Variants in SLC25A26 observed in about 807,000 individuals in gnomAD.
SLC25A26 encodes mitochondrial S-adenosylmethionine carrier protein.
SLC25A26 carries 36 observed loss-of-function variants against 37.8 expected under a neutral mutation model. That is an observed-to-expected ratio of 0.95 (90% CI 0.73 to 1.26). The LOEUF (loss-of-function observed/expected upper bound fraction) is 1.26. Among genes scored for constraint, SLC25A26 ranks in the 50% most tolerant of loss-of-function variants. The pLI is 0.00. For missense variants in SLC25A26, 390 were observed against 331.1 expected, an observed-to-expected ratio of 1.18 and a Z score of -1.38; for synonymous variants, 129 against 122.5, an observed-to-expected ratio of 1.05 and a Z score of -0.35.
At position 66,302,769 on chromosome 3, in the gene SLC25A26, A is replaced by C. The variant is rs866255811; in HGVS notation, c.453+39390A>C. Among the ~76,000 whole-genome samples, 38 of 152,364 alleles carry C rather than the reference A, an allele frequency of 2.5e-4. No homozygotes were observed. In the Middle Eastern group the frequency reaches 0.01, roughly 41 times the overall value. ...TACAACTTGGTGAAAAGGTTAGCCCATATTTAAGTTCAAACCAAAGAACAG... is the reference window on the plus strand; with the variant it reads ...TACAACTTGGTGAAAAGGTTAGCCCCTATTTAAGTTCAAACCAAAGAACAG... On this transcript the variant is annotated intron_variant, in intron 5 of 9. Coordinates refer to ENST00000354883, the MANE Select transcript of SLC25A26 (RefSeq NM_001379210.1).
At chr3:66,291,290 T>G (rs1257299249) in intron 5 of SLC25A26, among the ~76,000 whole-genome samples, 2 of 152,076 alleles carry the variant, frequency 1.3e-5, no homozygotes, top group Admixed American at 6.6e-5. Flanking sequence ...TTTTGGGGGG[T>G]TTTTTTGTGT....
At chr3:66,254,918 G>C (rs2073241441) in intron 3 of SLC25A26, among the ~76,000 whole-genome samples, 1 of 152,192 alleles carries the variant, frequency 6.6e-6, no homozygotes, top group African/African-American at 2.4e-5. Flanking sequence ...GGGATACTTA[G>C]GGACTTTGAA....
chr3:66,216,327 C>G (rs928316769), upstream of SLC25A26, among the ~76,000 whole-genome samples: 6 of 152,252 alleles, frequency 3.9e-5, no homozygotes, highest in African/African-American at 1.2e-4. Flanking sequence ...GCTTGGGCAA[C>G]ATGGTGAAAC....
chr3:66,373,062 A>T, intron 9 of SLC25A26, among the ~76,000 whole-genome samples: 1 of 152,152 alleles, frequency 6.6e-6, no homozygotes, highest in East Asian at 1.9e-4. Context: ...ATTACTAAAC[A>T]AACACCGCGT....
At position 66,369,489 on chromosome 3, in the gene SLC25A26, G is replaced by A. The variant is rs1700235313; in HGVS notation, c.580G>A (p.Ala194Thr). The part of the protein sequence containing the change: ...VCGAFAGGFA[A>T]AVTTPLDVAK... ...TATTATTTGTACAGGTGGATTTGCC[G>A]CTGCAGTCACCACCCCTCTAGACGT... is the stretch of plus-strand genomic sequence containing the variant. Residue 194 changes from alanine to threonine, a missense_variant, in exon 8 of 10, where the codon GCT (alanine) becomes ACT (threonine). By Grantham distance (58) the Ala-to-Thr change is moderately conservative (BLOSUM62 0). Transcript: ENST00000354883. The A allele has an allele frequency of 9.3e-6, 15 of 1,604,322 alleles. No homozygotes were observed. Among genetic ancestry groups the A allele is most frequent in the South Asian group, 3.4e-5 (3 of 88,512 alleles).
At chr3:66,254,315 C>T (rs2073216518) in intron 3 of SLC25A26, among the ~76,000 whole-genome samples, 1 of 152,070 alleles carries the variant, frequency 6.6e-6, no homozygotes, top group Admixed American at 6.5e-5. Flanking sequence ...TAATTGGAAA[C>T]CTGCTTTCTA....
At chr3:66,188,557 C>T (rs947767462) in intron 1 of SLC25A26, among the ~76,000 whole-genome samples, 3 of 152,164 alleles carry the variant, frequency 2.0e-5, no homozygotes, top group African/African-American at 7.2e-5. Context: ...GTGATCTCTG[C>T]ACATGTGACT....
intron 5 of SLC25A26, among the ~76,000 whole-genome samples, chr3:66,344,852 G>T (rs149573508): frequency 2.2e-4 from 34 of 152,282 alleles, no homozygotes; most frequent in African/African-American, 6.3e-4. Flanking sequence ...ATGTCTCCTG[G>T]GGATAGTAGT....
intron 5 of SLC25A26, among the ~76,000 whole-genome samples, chr3:66,286,636 G>T (rs1423555515): frequency 1.3e-5 from 2 of 152,088 alleles, no homozygotes; most frequent in Non-Finnish European, 2.9e-5. Flanking sequence ...AGTCTTGAAA[G>T]ATGATGTTTT....
intron 6 of SLC25A26, among the ~76,000 whole-genome samples, chr3:66,347,148 C>T (rs2076345268): frequency 6.6e-6 from 1 of 152,138 alleles, no homozygotes; most frequent in South Asian, 2.1e-4. Context: ...TAAAGAGCTT[C>T]TGCACAGCAA....
chr3:66,357,860 G>A (rs906441229), intron 6 of SLC25A26, among the ~76,000 whole-genome samples: 4 of 152,120 alleles, frequency 2.6e-5, no homozygotes, highest in South Asian at 4.1e-4. Flanking sequence ...TTTGCAGGAC[G>A]AACCAGCCTC....
intron 5 of SLC25A26, among the ~76,000 whole-genome samples, chr3:66,313,091 A>G (rs2075429625): frequency 6.6e-6 from 1 of 152,144 alleles, no homozygotes. Flanking sequence ...GTTTGCTCTG[A>G]TGATAGTTTC....
intron 1 of SLC25A26, among the ~76,000 whole-genome samples, chr3:66,176,559 C>CAGGATATT (rs1430605874): frequency 6.6e-6 from 1 of 152,142 alleles, no homozygotes; most frequent in East Asian, 1.9e-4. Context: ...TTTGCAGTTA[C>CAGGATATT]AGGATATTAC....
intron 5 of SLC25A26, among the ~76,000 whole-genome samples, chr3:66,319,152 G>T (rs891086751): frequency 6.6e-6 from 1 of 152,170 alleles, no homozygotes; most frequent in Admixed American, 6.5e-5. Context: ...AATCAGGTTA[G>T]AGTTTGTAGA....
At chr3:66,317,537 C>G (rs2075572749) in intron 5 of SLC25A26, among the ~76,000 whole-genome samples, 1 of 152,130 alleles carries the variant, frequency 6.6e-6, no homozygotes, top group Non-Finnish European at 1.5e-5. Flanking sequence ...ATAGAATGCC[C>G]TTGTATGAGG....
chr3:66,202,694 G>A (rs1206681852), intron 1 of SLC25A26, among the ~76,000 whole-genome samples: 1 of 152,050 alleles, frequency 6.6e-6, no homozygotes, highest in African/African-American at 2.4e-5. Flanking sequence ...CTCCATATGT[G>A]ATCTACACAC....
intron 1 of SLC25A26, among the ~76,000 whole-genome samples, chr3:66,223,130 A>G (rs975806544): frequency 6.6e-6 from 1 of 152,248 alleles, no homozygotes; most frequent in Non-Finnish European, 1.5e-5. Context: ...GTTGCAATGA[A>G]TAAGTGCTAT....
At chr3:66,263,690 G>A (rs959444364) in intron 5 of SLC25A26, among the ~76,000 whole-genome samples, 4 of 151,960 alleles carry the variant, frequency 2.6e-5, no homozygotes, top group South Asian at 2.1e-4. Context: ...ATGCAGTCTC[G>A]CTCTGTCACC....
rs1306297569 is a variant in SLC25A26, at chr3:66,295,700, A to T, written c.453+32321A>T. Among the ~76,000 whole-genome samples the T allele has an allele frequency of 2.0e-5, 3 of 151,624 alleles. No individual in the cohort carries two copies. The East Asian group carries it at 6.0e-4, about 30-fold the overall frequency. ...TTTTTAATAGAGACGAGGTTTCACC[A>T]TGCTGGCCAGGCTGATCTTGAACTC... On this transcript the variant is annotated intron_variant, in intron 5 of 9. Coordinates refer to ENST00000354883, the MANE Select transcript of SLC25A26 (RefSeq NM_001379210.1).
Sources: gnomAD v4.1 joint callset for allele counts (sites outside exome capture counted in the v4.1 genomes callset) on GRCh38, gnomAD v4.1.1 for gene constraint, MANE v1.5 for transcripts, NCBI Gene and HGNC (gene_info 2026-07-23, HGNC 2026-07-21) for gene names.